DZIP3: variants seen among roughly 807,000 people sequenced by gnomAD.
DZIP3 encodes E3 ubiquitin-protein ligase DZIP3.
In DZIP3, 118 loss-of-function variants were observed where a neutral mutation model predicts 162.0. The observed-to-expected ratio is 0.73, with a 90% CI of 0.63 to 0.85. DZIP3 has a LOEUF of 0.85. Ranked by LOEUF, DZIP3 falls within the 40% of genes least tolerant of loss-of-function variation. The pLI is 0.00. For missense variants in DZIP3, 1,331 were observed against 1,407.0 expected (o/e 0.95, Z 0.86); for synonymous variants, 438 against 458.6 (o/e 0.96, Z 0.57).
Position 108,678,995 on chromosome 3 carries a change from A to G in DZIP3, c.2883+1397A>G, listed in dbSNP as rs60176337. On this transcript the variant is annotated intron_variant, in intron 26 of 32. Coordinates refer to ENST00000361582, the MANE Select transcript of DZIP3 (RefSeq NM_014648.4). ...TATATTTTTGGTCAATTCAGTTTCT[A>G]TAGGAACACTGGATTATGAGCATTA... Among the ~76,000 whole-genome samples the G allele has an allele frequency of 6.9e-3, 1,044 of 152,218 alleles. 5 individuals are homozygous for G. The highest frequency in any genetic ancestry group is 0.024 in the African/African-American group (983 of 41,548).
chr3:108,637,823 AGTTT>A (rs1258055468), intron 12 of DZIP3, among the ~76,000 whole-genome samples: 2 of 152,196 alleles, frequency 1.3e-5, no homozygotes, highest in Non-Finnish European at 2.9e-5. Flanking sequence ...TCTTAAAGTT[AGTTT>A]GTTATGAAAT....
At chr3:108,622,492 A>G (rs1369512393) in intron 5 of DZIP3, among the ~76,000 whole-genome samples, 4 of 151,908 alleles carry the variant, frequency 2.6e-5, no homozygotes, top group African/African-American at 9.7e-5. Flanking sequence ...TGGTTTGGTA[A>G]AGTCATGTTT....
intron 16 of DZIP3, chr3:108,648,685 C>G (rs181834940): frequency 4.4e-6 from 1 of 228,592 alleles, no homozygotes; most frequent in African/African-American, 2.4e-5. Context: ...CAGTAACCTA[C>G]TTATTGACAT....
At chr3:108,619,527 C>T (rs1291882597) in intron 5 of DZIP3, among the ~76,000 whole-genome samples, 1 of 151,948 alleles carries the variant, frequency 6.6e-6, no homozygotes, top group African/African-American at 2.4e-5. Context: ...AGGCTAAGAA[C>T]CAGGTATAAA....
intron 1 of DZIP3, among the ~76,000 whole-genome samples, chr3:108,599,803 T>C (rs1576340240): frequency 1.3e-5 from 2 of 152,330 alleles, no homozygotes; most frequent in East Asian, 3.9e-4. Flanking sequence ...CAACCAGAAG[T>C]TAGAAGTCTG....
At chr3:108,589,583 C>T (rs984240882), upstream of DZIP3, 4 of 460,392 alleles carry the variant, frequency 8.7e-6, no homozygotes, top group Non-Finnish European at 1.6e-5. Flanking sequence ...ATTTGTGGGT[C>T]CAGGACGGGG....
At chr3:108,621,442 T>C (rs1394216998) in intron 5 of DZIP3, among the ~76,000 whole-genome samples, 4 of 152,194 alleles carry the variant, frequency 2.6e-5, no homozygotes, top group African/African-American at 9.6e-5. Flanking sequence ...ATTACAACAA[T>C]CCATTTATAC....
chr3:108,661,847 T>G, intron 19 of DZIP3, 30 bp from the exon 20 acceptor site: 1 of 1,564,096 alleles, frequency 6.4e-7, no homozygotes, highest in Non-Finnish European at 8.7e-7. Flanking sequence ...TTGAGGAAAA[T>G]AATACATGCA....
intron 5 of DZIP3, among the ~76,000 whole-genome samples, chr3:108,619,060 CAAAAAAAA>C (rs57700432): frequency 1.4e-5 from 1 of 70,094 alleles, no homozygotes; most frequent in African/African-American, 5.9e-5. Flanking sequence ...GACTCCATCT[CAAAAAAAA>C]AAAAAAAAAA....
At chr3:108,620,177 T>C (rs1229897496) in intron 5 of DZIP3, among the ~76,000 whole-genome samples, 2 of 152,142 alleles carry the variant, frequency 1.3e-5, no homozygotes, top group Admixed American at 6.5e-5. Context: ...CCTCCAGCAA[T>C]GAAAATGTAG....
intron 4 of DZIP3, among the ~76,000 whole-genome samples, chr3:108,613,471 A>G (rs1940834197): frequency 6.6e-6 from 1 of 152,212 alleles, no homozygotes; most frequent in Non-Finnish European, 1.5e-5. Context: ...GATAAGTTCC[A>G]GAAGTAGGAC....
At chr3:108,662,322 A>T in intron 21 of DZIP3, 65 bp downstream of exon 21, 4 of 1,511,378 alleles carry the variant, frequency 2.6e-6, no homozygotes, top group Non-Finnish European at 3.5e-6. Flanking sequence ...TTAATAGTTA[A>T]TCTCTGCATA....
At chr3:108,606,173 A>G (rs928397733) in intron 2 of DZIP3, among the ~76,000 whole-genome samples, 20 of 152,116 alleles carry the variant, frequency 1.3e-4, no homozygotes, top group Non-Finnish European at 2.8e-4. Flanking sequence ...TATTATCCCT[A>G]TTTTCTAAAG....
rs1259532003 is a variant in DZIP3 at position 108,648,069 on chromosome 3, T to C, written c.1919T>C (p.Ile640Thr). Reference sequence around the variant, plus strand: ...GAAATTAATAAAGATGGGACCTCAATACCCAGTGAATCTTCAACAGAATCT... The same window carrying C: ...GAAATTAATAAAGATGGGACCTCAACACCCAGTGAATCTTCAACAGAATCT... The part of the protein sequence containing the change: ...FAEINKDGTS[I>T]PSESSTESLK... Residue 640 changes from isoleucine to threonine, a missense_variant, in exon 16 of 33, where the codon ATA (isoleucine) becomes ACA (threonine). Ile to Thr is a moderately conservative substitution (Grantham distance 89). Coordinates refer to ENST00000361582, the MANE Select transcript of DZIP3 (RefSeq NM_014648.4). 1 of 1,609,730 alleles carries C rather than the reference T, an allele frequency of 6.2e-7. No homozygotes were observed. The highest frequency in any genetic ancestry group is 8.5e-7 in the Non-Finnish European group (1 of 1,178,494).
intron 18 of DZIP3, among the ~76,000 whole-genome samples, chr3:108,653,495 T>TTGTGTG (rs1306534707): frequency 4.2e-4 from 42 of 99,182 alleles, no homozygotes; most frequent in Non-Finnish European, 7.5e-4. Flanking sequence ...TTAATTGCCA[T>TTGTGTG]TGTGTGTGTG....
rs751475222 is a variant in DZIP3, at chr3:108,672,669, C to T, written c.2589+13C>T. 1.0e-5 allele frequency: 16 copies of T among 1,605,482 alleles called. No homozygotes were observed. Among genetic ancestry groups the T allele is most frequent in the Non-Finnish European group, 1.1e-5 (13 of 1,173,778 alleles). On this transcript the variant is annotated intron_variant, in intron 23 of 32. Coordinates refer to ENST00000361582, the MANE Select transcript of DZIP3 (RefSeq NM_014648.4). Reference sequence around the variant, plus strand: ...TTTAACAGCCGAGGTAACAACAAAACGGGGACAGGGGTATGGGGTGAGGGG... The same window carrying T: ...TTTAACAGCCGAGGTAACAACAAAATGGGGACAGGGGTATGGGGTGAGGGG...
intron 12 of DZIP3, among the ~76,000 whole-genome samples, chr3:108,641,845 A>G (rs953769370): frequency 4.6e-5 from 7 of 152,132 alleles, no homozygotes; most frequent in African/African-American, 2.4e-5. Context: ...TTGTTGTCCA[A>G]TATTTTTTTG....
intron 1 of DZIP3, among the ~76,000 whole-genome samples, chr3:108,599,192 A>C (rs938568685): frequency 6.6e-6 from 1 of 152,216 alleles, no homozygotes; most frequent in Non-Finnish European, 1.5e-5. Flanking sequence ...TGATCTTTGC[A>C]AAGTGGCAAG....
At chr3:108,645,690 A>C (rs1217362641) in intron 14 of DZIP3, among the ~76,000 whole-genome samples, 1 of 152,208 alleles carries the variant, frequency 6.6e-6, no homozygotes, top group Non-Finnish European at 1.5e-5. Context: ...TACAACTGTA[A>C]AAGTTTCTAG....
Sources: gnomAD v4.1 joint callset for allele counts (sites outside exome capture counted in the v4.1 genomes callset) on GRCh38, gnomAD v4.1.1 for gene constraint, MANE v1.5 for transcripts, NCBI Gene and HGNC (gene_info 2026-07-23, HGNC 2026-07-21) for gene names.